Variants in EDIL3 observed in about 807,000 individuals in gnomAD.
EDIL3 encodes the protein EGF like and discoidin domains 3, also known as EGF-like repeat and discoidin I-like domain-containing protein 3.
In EDIL3, 37 loss-of-function variants were observed where a neutral mutation model predicts 67.4. The ratio of observed to expected loss-of-function variants is 0.55; its 90% CI spans 0.42 to 0.72. EDIL3 has a LOEUF of 0.72. EDIL3 is among the 30% of genes least tolerant of loss of function. EDIL3 has a pLI of 0.00. For missense variants in EDIL3, 527 were observed against 586.3 expected, an observed-to-expected ratio of 0.90 and a Z score of 1.04; for synonymous variants, 195 against 196.3, an observed-to-expected ratio of 0.99 and a Z score of 0.05.
At chr5:84,282,382 T>C (rs1356664388) in intron 1 of EDIL3, among the ~76,000 whole-genome samples, 1 of 152,228 alleles carries the variant, frequency 6.6e-6, no homozygotes, top group African/African-American at 2.4e-5. Context: ...TTTCCTTCTA[T>C]ATGTTGCTTT....
chr5:84,353,423 T>C (rs1293113826), intron 1 of EDIL3, among the ~76,000 whole-genome samples: 1 of 152,154 alleles, frequency 6.6e-6, no homozygotes, highest in African/African-American at 2.4e-5. Flanking sequence ...TAAAATGGGG[T>C]ATGTTTGCAA....
chr5:84,307,633 G>A (rs1374880093), intron 1 of EDIL3, among the ~76,000 whole-genome samples: 2 of 152,190 alleles, frequency 1.3e-5, no homozygotes, highest in East Asian at 3.9e-4. Context: ...GGCAGGTGAA[G>A]TTCTTCAAGC....
intron 1 of EDIL3, among the ~76,000 whole-genome samples, chr5:84,329,489 T>C (rs1477584573): frequency 2.0e-5 from 3 of 152,136 alleles, no homozygotes; most frequent in South Asian, 2.1e-4. Context: ...CACAGTTGTA[T>C]AGCTCATTTG....
chr5:84,128,335 AGT>A (rs1747902757), intron 5 of EDIL3, among the ~76,000 whole-genome samples: 1 of 152,064 alleles, frequency 6.6e-6, no homozygotes, highest in African/African-American at 2.4e-5. Flanking sequence ...TTTTATCAGC[AGT>A]GTGATAAAAG....
chr5:84,302,443 C>A (rs1240514769), intron 1 of EDIL3, among the ~76,000 whole-genome samples: 2 of 152,038 alleles, frequency 1.3e-5, no homozygotes, highest in Non-Finnish European at 2.9e-5. Flanking sequence ...ACTACAGGCG[C>A]CTGACACCAC....
At chr5:84,375,089 A>C (rs1040145587) in intron 1 of EDIL3, among the ~76,000 whole-genome samples, 1 of 151,408 alleles carries the variant, frequency 6.6e-6, no homozygotes, top group East Asian at 1.9e-4. Context: ...CTGCTGCCTC[A>C]GCCTCCTGAG....
chr5:84,090,959 AAAAAAAG>A (rs1561428249), intron 6 of EDIL3, among the ~76,000 whole-genome samples: 2 of 151,900 alleles, frequency 1.3e-5, no homozygotes, highest in African/African-American at 2.4e-5. Context: ...AAAAACAAAA[AAAAAAAG>A]AAAAAAGAAA....
chr5:84,244,144 A>T (rs1744860248), intron 2 of EDIL3, among the ~76,000 whole-genome samples: 1 of 152,288 alleles, frequency 6.6e-6, no homozygotes, highest in Non-Finnish European at 1.5e-5. Context: ...CTTATGCTTT[A>T]TTGTAGTAAT....
intron 1 of EDIL3, among the ~76,000 whole-genome samples, chr5:84,346,542 G>C (rs1444312107): frequency 1.3e-5 from 2 of 152,068 alleles, no homozygotes; most frequent in Non-Finnish European, 2.9e-5. Context: ...ATTCTCCTGA[G>C]GTAGATGAGT....
At chr5:83,988,083 T>C (rs1447499460) in intron 9 of EDIL3, among the ~76,000 whole-genome samples, 3 of 151,990 alleles carry the variant, frequency 2.0e-5, no homozygotes, top group Non-Finnish European at 4.4e-5. Flanking sequence ...CAAATAACCT[T>C]CCATTTCAAA....
chr5:84,236,207 C>T (rs2112051230), intron 2 of EDIL3, among the ~76,000 whole-genome samples: 1 of 152,010 alleles, frequency 6.6e-6, no homozygotes, highest in Non-Finnish European at 1.5e-5. Flanking sequence ...CTAAACTGAA[C>T]AAAAACACGT....
At chr5:84,374,241 C>T (rs1316052576) in intron 1 of EDIL3, among the ~76,000 whole-genome samples, 1 of 151,056 alleles carries the variant, frequency 6.6e-6, no homozygotes, top group Non-Finnish European at 1.5e-5. Flanking sequence ...CTATAATTAC[C>T]TCAAGTAAAG....
chr5:84,343,148 T>G (rs752712117), intron 1 of EDIL3, among the ~76,000 whole-genome samples: 1 of 152,090 alleles, frequency 6.6e-6, no homozygotes, highest in Non-Finnish European at 1.5e-5. Context: ...AAAACAGTAT[T>G]GAGAAGTCAT....
intron 1 of EDIL3, among the ~76,000 whole-genome samples, chr5:84,304,305 G>A (rs1035548881): frequency 6.6e-6 from 1 of 152,180 alleles, no homozygotes; most frequent in Non-Finnish European, 1.5e-5. Flanking sequence ...AGACTGACAG[G>A]AATGTCAAGC....
At chr5:84,260,338 G>C (rs1221619266) in intron 1 of EDIL3, among the ~76,000 whole-genome samples, 1 of 152,188 alleles carries the variant, frequency 6.6e-6, no homozygotes, top group Non-Finnish European at 1.5e-5. Flanking sequence ...ACAGGGAACA[G>C]GAAGTGGTCA....
intron 2 of EDIL3, among the ~76,000 whole-genome samples, chr5:84,238,211 C>G (rs1258889489): frequency 6.6e-6 from 1 of 151,930 alleles, no homozygotes; most frequent in East Asian, 1.9e-4. Context: ...ACAGTTATTT[C>G]AAACATGACT....
intron 1 of EDIL3, among the ~76,000 whole-genome samples, chr5:84,315,901 C>T (rs756255914): frequency 3.3e-5 from 5 of 152,186 alleles, no homozygotes; most frequent in Non-Finnish European, 5.9e-5. Context: ...ATCAGACTAA[C>T]AGCAGATCTC....
At chr5:84,311,494 AG>A (rs1336381897) in intron 1 of EDIL3, among the ~76,000 whole-genome samples, 1 of 151,980 alleles carries the variant, frequency 6.6e-6, no homozygotes, top group Non-Finnish European at 1.5e-5. Flanking sequence ...GGCATGCAAA[AG>A]GGCTTTAACG....
At chr5:84,173,184 G>T (rs898261847) in intron 4 of EDIL3, among the ~76,000 whole-genome samples, 1 of 152,168 alleles carries the variant, frequency 6.6e-6, no homozygotes, top group African/African-American at 2.4e-5. Context: ...ACATGAGTAT[G>T]GAGGTGCCTT....
Sources: allele counts gnomAD v4.1 joint callset (sites outside exome capture counted in the v4.1 genomes callset), GRCh38; gene constraint gnomAD v4.1.1; transcripts MANE v1.5; gene names NCBI Gene and HGNC (gene_info 2026-07-23, HGNC 2026-07-21).